JAM3: variants seen among roughly 807,000 people sequenced by gnomAD.
JAM3 encodes the protein junctional adhesion molecule C.
A neutral mutation model predicts 39.4 loss-of-function variants in JAM3; 31 were observed. The ratio of observed to expected loss-of-function variants is 0.79; its 90% CI spans 0.59 to 1.06. The LOEUF is 1.06. Among genes scored for constraint, JAM3 ranks in the 50% least tolerant of loss-of-function variants. The pLI, the probability that JAM3 is intolerant of heterozygous loss-of-function variation, is 0.00. For synonymous variants in JAM3, 182 were observed against 148.7 expected (o/e 1.22, Z -1.63); for missense variants, 455 against 391.4 (o/e 1.16, Z -1.37).
rs183775229 is a variant in JAM3 at position 134,093,190 on chromosome 11, C to T, written c.76+24031C>T. Among the ~76,000 whole-genome samples the T allele has an allele frequency of 7.4e-3, 992 of 134,216 alleles. 88 individuals are homozygous for T. Among genetic ancestry groups the T allele is most frequent in the Admixed American group, 0.012 (163 of 13,722 alleles). 88.1% of individuals were successfully genotyped at this position (134,216 alleles called of 152,430 possible). On this transcript the variant is annotated intron_variant, in intron 1 of 8. Transcript: ENST00000299106. ...CTGAGGGAAGCTTCTCCTGAACCCT[C>T]CTTATTCATCATGTTCCACCTTACA...
At chr11:134,119,924 G>A (rs146017071) in intron 1 of JAM3, among the ~76,000 whole-genome samples, 772 of 152,230 alleles carry the variant, frequency 5.1e-3, no homozygotes, top group Non-Finnish European at 8.5e-3. Flanking sequence ...ATATAACCAG[G>A]ACTTCAGCTG....
At chr11:134,076,398 G>C (rs929025319) in intron 1 of JAM3, among the ~76,000 whole-genome samples, 1 of 151,768 alleles carries the variant, frequency 6.6e-6, no homozygotes, top group Non-Finnish European at 1.5e-5. Context: ...CAGGTGATCC[G>C]CCTGCCTCGG....
At chr11:134,113,366 T>C (rs1410156402) in intron 1 of JAM3, among the ~76,000 whole-genome samples, 3 of 152,120 alleles carry the variant, frequency 2.0e-5, no homozygotes, top group Non-Finnish European at 2.9e-5. Context: ...CGACAGGCCC[T>C]GGTGTGTGAT....
intron 1 of JAM3, among the ~76,000 whole-genome samples, chr11:134,093,030 T>C (rs918314312): frequency 2.9e-5 from 4 of 139,830 alleles, no homozygotes; most frequent in Non-Finnish European, 6.2e-5. Context: ...TGAGGGAAGC[T>C]TCTCCTGAAC....
Position 134,151,097 on chromosome 11 carries a change from G to GC in JAM3, c.*1916_*1917insC. The GC allele has an allele frequency of 6.6e-6, 1 of 152,400 alleles. No individual in the cohort carries two copies. The highest frequency in any genetic ancestry group is 1.9e-4 in the East Asian group (1 of 5,186). The allele number at this position is 152,400 out of a possible 1,614,324, so 9.4% of individuals were successfully genotyped here. The stretch of plus-strand genomic sequence containing the variant: ...GTGCTGTAAAGCAAGGAGCTGCTGA[G>GC]AAGGAGCACTCCACTGTGTGCCTGG... On this transcript the variant is annotated 3_prime_UTR_variant, in exon 9 of 9. Transcript: ENST00000299106.
At chr11:134,124,374 A>G in intron 1 of JAM3, 1 of 666,906 alleles carries the variant, frequency 1.5e-6, no homozygotes, top group South Asian at 1.8e-5. Context: ...TGATGGGAAA[A>G]GTGAAAGAAA....
At chr11:134,109,790 G>T (rs1277744502) in intron 1 of JAM3, among the ~76,000 whole-genome samples, 1 of 152,194 alleles carries the variant, frequency 6.6e-6, no homozygotes, top group Admixed American at 6.5e-5. Context: ...TTCATATTGT[G>T]CCCAGTAAAT....
chr11:134,127,939 A>T (rs1041983704), intron 1 of JAM3, among the ~76,000 whole-genome samples: 8 of 152,178 alleles, frequency 5.3e-5, no homozygotes. Context: ...CTGGATGTCC[A>T]GACAGACATG....
intron 1 of JAM3, among the ~76,000 whole-genome samples, chr11:134,128,531 T>C (rs1942698792): frequency 6.6e-6 from 1 of 152,214 alleles, no homozygotes; most frequent in Non-Finnish European, 1.5e-5. Flanking sequence ...GATTGGATTA[T>C]GGAGTTGGCT....
At chr11:134,077,809 G>A (rs908033062) in intron 1 of JAM3, among the ~76,000 whole-genome samples, 9 of 151,616 alleles carry the variant, frequency 5.9e-5, no homozygotes, top group Middle Eastern at 3.4e-3. Context: ...ACCATGCCAC[G>A]CCTGGCTAAT....
intron 1 of JAM3, among the ~76,000 whole-genome samples, chr11:134,074,782 A>G (rs1941537973): frequency 6.6e-6 from 1 of 152,142 alleles, no homozygotes; most frequent in Non-Finnish European, 1.5e-5. Context: ...ATAAAAATAC[A>G]GGGTGAAATT....
rs756247331 is a variant in JAM3, at chr11:134,139,838, C to A, written c.77-13C>A. 1 of 1,610,802 alleles carries A rather than the reference C, an allele frequency of 6.2e-7. No individual in the cohort carries two copies. The highest frequency in any genetic ancestry group is 8.5e-7 in the Non-Finnish European group (1 of 1,176,948). On this transcript the variant is annotated splice_polypyrimidine_tract_variant and intron_variant, in intron 1 of 8. Coordinates refer to ENST00000299106, the MANE Select transcript of JAM3 (RefSeq NM_032801.5). ...ATACATTGTCTCTGATTTTACTTTT[C>A]TTTCTCCTTCAGGCTGCCTGATAGG...
At chr11:134,123,361 A>G (rs470846) in intron 1 of JAM3, among the ~76,000 whole-genome samples, 68,078 of 151,854 alleles carry the variant, frequency 0.45, 18,181 homozygotes, top group African/African-American at 0.76. Context: ...GGAAAAAAGG[A>G]GAAAAATACA....
At chr11:134,144,757 CTG>C (rs752065577) in intron 4 of JAM3, 33 bp from the exon 5 acceptor site, 1 of 1,553,108 alleles carries the variant, frequency 6.4e-7, no homozygotes. Flanking sequence ...AGCCCTGTCA[CTG>C]AGATCTTAAA....
chr11:134,087,386 CATT>C (rs911786695), intron 1 of JAM3, among the ~76,000 whole-genome samples: 2 of 152,140 alleles, frequency 1.3e-5, no homozygotes, highest in African/African-American at 4.8e-5. Context: ...TAAAACAAAG[CATT>C]ATGGACATAA....
chr11:134,147,459 C>CAAAAAAAAAAAAAA (rs557379286), intron 6 of JAM3, among the ~76,000 whole-genome samples: 9 of 70,872 alleles, frequency 1.3e-4, no homozygotes, highest in African/African-American at 4.4e-4. Flanking sequence ...GACTCTGTCT[C>CAAAAAAAAAAAAAA]AAAAAAAAAA....
intron 1 of JAM3, among the ~76,000 whole-genome samples, chr11:134,139,033 G>T (rs1174996058): frequency 6.6e-6 from 1 of 152,152 alleles, no homozygotes; most frequent in African/African-American, 2.4e-5. Context: ...CTTCTTTGGG[G>T]ATGGCATGTT....
intron 1 of JAM3, among the ~76,000 whole-genome samples, chr11:134,132,960 T>C (rs1278745024): frequency 6.6e-6 from 1 of 152,218 alleles, no homozygotes; most frequent in Non-Finnish European, 1.5e-5. Flanking sequence ...GGATTCTTTA[T>C]CTGCCTGTCT....
rs1377907628 is a variant in JAM3, at chr11:134,087,611, T to A, written c.76+18452T>A. Among the ~76,000 whole-genome samples the A allele has an allele frequency of 2.0e-5, 3 of 152,208 alleles. No individual in the cohort carries two copies. In the East Asian group the frequency reaches 5.8e-4, roughly 29 times the overall value. On this transcript the variant is annotated intron_variant, in intron 1 of 8. Coordinates refer to ENST00000299106, the MANE Select transcript of JAM3 (RefSeq NM_032801.5). ...TCTTCTTACGTATACAGGTTGTTGG[T>A]GTTAGACTTCTCTGGAAGAAAGAAC...
Sources: gnomAD v4.1 joint callset for allele counts (sites outside exome capture counted in the v4.1 genomes callset) on GRCh38, gnomAD v4.1.1 for gene constraint, MANE v1.5 for transcripts, NCBI Gene and HGNC (gene_info 2026-07-23, HGNC 2026-07-21) for gene names.